ZNF407: variants seen among roughly 807,000 people sequenced by gnomAD.
The protein encoded by ZNF407 is zinc finger protein 407.
A neutral mutation model predicts 131.2 loss-of-function variants in ZNF407; 17 were observed. The ratio of observed to expected loss-of-function variants is 0.13; its 90% confidence interval spans 0.09 to 0.19. The LOEUF (loss-of-function observed/expected upper bound fraction) is 0.19, where lower values mean the gene tolerates loss of function less well. Ranked by LOEUF, ZNF407 falls within the 10% of genes least tolerant of loss-of-function variation. The probability of loss-of-function intolerance (pLI) is 1.00; values close to 1 mark genes in which losing one functional copy is unlikely to be tolerated. For missense variants in ZNF407, 2,681 were observed against 2,830.6 expected (o/e 0.95, Z 1.20); for synonymous variants, 1,156 against 1,062.0 (o/e 1.09, Z -1.72).
intron 3 of ZNF407, among the ~76,000 whole-genome samples, chr18:74,727,511 G>A (rs1195861342): frequency 6.6e-6 from 1 of 152,176 alleles, no homozygotes; most frequent in Non-Finnish European, 1.5e-5. Context: ...GCAGTACATT[G>A]CTGTTTCTCT....
intron 3 of ZNF407, among the ~76,000 whole-genome samples, chr18:74,686,174 T>C (rs1449623493): frequency 6.6e-6 from 1 of 152,226 alleles, no homozygotes; most frequent in East Asian, 1.9e-4. Flanking sequence ...GTGTTCTAAC[T>C]TGGGTTCCCC....
At chr18:74,856,704 A>T (rs746647557) in intron 4 of ZNF407, among the ~76,000 whole-genome samples, 2 of 152,202 alleles carry the variant, frequency 1.3e-5, no homozygotes, top group African/African-American at 2.4e-5. Flanking sequence ...AGTCTGTAAA[A>T]CAGCAAACAG....
In ZNF407 at chr18:74,631,450, C is replaced by G. The variant is rs1984072140; in HGVS notation, c.431C>G (p.Ser144Cys). Residue 144 changes from serine to cysteine, a missense_variant, in exon 2 of 9, where the codon TCT (serine) becomes TGT (cysteine). Coordinates refer to ENST00000299687, the MANE Select transcript of ZNF407 (RefSeq NM_017757.3). ...AATTTTAGCACTATTGATGTTGTTT[C>G]TCTGAAAACAGACACTGAAAAAACA... ...SCNFSTIDVV[S>C]LKTDTEKTSA... The G allele has an allele frequency of 6.2e-7, 1 of 1,613,860 alleles. No individual in the cohort carries two copies. Among genetic ancestry groups the G allele is most frequent in the Non-Finnish European group, 8.5e-7 (1 of 1,179,896 alleles).
At chr18:74,621,990 AT>A (rs1983530263) in intron 1 of ZNF407, among the ~76,000 whole-genome samples, 1 of 151,992 alleles carries the variant, frequency 6.6e-6, no homozygotes, top group African/African-American at 2.4e-5. Context: ...TATCTAGTGA[AT>A]GGTTTTTTAG....
At chr18:74,804,673 C>T (rs1383935339) in intron 4 of ZNF407, 1 of 909,162 alleles carries the variant, frequency 1.1e-6, no homozygotes, top group South Asian at 5.0e-5. Context: ...TATGTGCTCA[C>T]ATTTCTGAGA....
At chr18:74,740,947 C>T (rs1568192147) in intron 3 of ZNF407, among the ~76,000 whole-genome samples, 1 of 152,088 alleles carries the variant, frequency 6.6e-6, no homozygotes, top group Non-Finnish European at 1.5e-5. Flanking sequence ...CAGCTCGGTA[C>T]CAGTTTTATA....
chr18:74,860,827 A>C (rs563259195), intron 4 of ZNF407, among the ~76,000 whole-genome samples: 2 of 152,242 alleles, frequency 1.3e-5, no homozygotes, highest in East Asian at 3.9e-4. Flanking sequence ...ACTATTGCAA[A>C]AATATTCATT....
intron 8 of ZNF407, among the ~76,000 whole-genome samples, chr18:74,983,458 T>C (rs1244579488): frequency 1.3e-5 from 2 of 151,706 alleles, no homozygotes. Context: ...ATAACAACCG[T>C]GATATTCTGT....
intron 1 of ZNF407, among the ~76,000 whole-genome samples, chr18:74,629,315 A>C (rs1983943316): frequency 6.6e-6 from 1 of 152,170 alleles, no homozygotes; most frequent in Non-Finnish European, 1.5e-5. Flanking sequence ...ACTGATGTAG[A>C]GTATCTTTTC....
chr18:74,606,969 A>G (rs1982834420), intron 1 of ZNF407, among the ~76,000 whole-genome samples: 1 of 152,306 alleles, frequency 6.6e-6, no homozygotes, highest in East Asian at 1.9e-4. Flanking sequence ...AATGACTGCT[A>G]CCGTAGGGTT....
At chr18:74,926,217 A>G (rs1971911368) in intron 8 of ZNF407, among the ~76,000 whole-genome samples, 2 of 152,162 alleles carry the variant, frequency 1.3e-5, no homozygotes, top group Non-Finnish European at 2.9e-5. Flanking sequence ...TTGATAGCTG[A>G]TGTTTTTCTT....
chr18:74,758,495 T>C (rs774415919), intron 3 of ZNF407, among the ~76,000 whole-genome samples: 7 of 152,202 alleles, frequency 4.6e-5, no homozygotes, highest in Non-Finnish European at 8.8e-5. Context: ...TGTATCTTTC[T>C]ACTTTTATAT....
intron 4 of ZNF407, among the ~76,000 whole-genome samples, chr18:74,790,673 A>G (rs1296894267): frequency 4.6e-5 from 7 of 152,208 alleles, no homozygotes; most frequent in Non-Finnish European, 1.0e-4. Flanking sequence ...ACAAAGGCCT[A>G]TATGTTCACT....
chr18:74,614,109 G>A (rs1333808093), intron 1 of ZNF407, among the ~76,000 whole-genome samples: 4 of 152,174 alleles, frequency 2.6e-5, no homozygotes, highest in Admixed American at 1.3e-4. Context: ...TTACAGGAGT[G>A]CATGTTAATT....
At position 74,639,805 on chromosome 18, in the gene ZNF407, G is replaced by A. The variant is rs541430542; in HGVS notation, c.4688-1203G>A. 2.2e-4 allele frequency among the ~76,000 whole-genome samples: 33 copies of A among 151,574 alleles called. No individual in the cohort carries two copies. The East Asian group carries it at 5.6e-3, about 26-fold the overall frequency. On this transcript the variant is annotated intron_variant, in intron 2 of 8. Transcript: ENST00000299687. ...CTTCACTTTTTTTGTCAGCTTTTGG[G>A]AATTAAATTGAAATTTAAGACTCTA...
intron 7 of ZNF407, among the ~76,000 whole-genome samples, chr18:74,915,090 G>A (rs1971729123): frequency 6.6e-6 from 1 of 152,098 alleles, no homozygotes; most frequent in Non-Finnish European, 1.5e-5. Context: ...GAAACACCAA[G>A]ATACATATAG....
intron 1 of ZNF407, among the ~76,000 whole-genome samples, chr18:74,599,880 A>G (rs1396434636): frequency 1.3e-5 from 2 of 152,196 alleles, no homozygotes; most frequent in Admixed American, 6.5e-5. Context: ...TTTCTAATTG[A>G]TAGTTGTGAC....
At chr18:74,776,136 C>T (rs572877222) in intron 3 of ZNF407, among the ~76,000 whole-genome samples, 1 of 152,286 alleles carries the variant, frequency 6.6e-6, no homozygotes, top group East Asian at 1.9e-4. Flanking sequence ...AGGGCAGAGC[C>T]TTCAGGAATG....
Position 74,722,808 on chromosome 18 carries a change from T to C in ZNF407, c.4803-58620T>C, listed in dbSNP as rs577764356. 5.9e-5 allele frequency among the ~76,000 whole-genome samples: 9 copies of C among 152,334 alleles called. No individual in the cohort carries two copies. In the South Asian group the frequency reaches 1.2e-3, roughly 21 times the overall value. On this transcript the variant is annotated intron_variant, in intron 3 of 8. Coordinates refer to ENST00000299687, the MANE Select transcript of ZNF407 (RefSeq NM_017757.3). Reference sequence around the variant, plus strand: ...ACAATTTTATGCAGTTTTATACTTATTTTTGAGATCTGTTGACCTCTTTTT... The same window carrying C: ...ACAATTTTATGCAGTTTTATACTTACTTTTGAGATCTGTTGACCTCTTTTT...
Sources: gnomAD v4.1 joint callset for allele counts (sites outside exome capture counted in the v4.1 genomes callset) on GRCh38, gnomAD v4.1.1 for gene constraint, MANE v1.5 for transcripts, NCBI Gene and HGNC (gene_info 2026-07-23, HGNC 2026-07-21) for gene names.